HEMK2: variants seen among roughly 807,000 people sequenced by gnomAD.
HEMK2 encodes the protein methyltransferase HEMK2.
At chr21:28,746,918 G>T in the HEMK2 span, among the ~76,000 whole-genome samples, 1 of 152,224 alleles carries the variant, frequency 6.6e-6, no homozygotes, top group Non-Finnish European at 1.5e-5. Context: ...GGTGGGAAGA[G>T]AAGTTCTTAA....
At chr21:28,577,570 A>G in the HEMK2 span, among the ~76,000 whole-genome samples, 1 of 152,230 alleles carries the variant, frequency 6.6e-6, no homozygotes, top group African/African-American at 2.4e-5. Context: ...TTTATTTCCA[A>G]AACCCAAGAC....
At chr21:28,745,662 GT>G in the HEMK2 span, among the ~76,000 whole-genome samples, 1 of 152,002 alleles carries the variant, frequency 6.6e-6, no homozygotes, top group Non-Finnish European at 1.5e-5. Flanking sequence ...GTTGCCTGAG[GT>G]TTCATGAATA....
chr21:28,697,250 G>A, the HEMK2 span, among the ~76,000 whole-genome samples: 1 of 152,064 alleles, frequency 6.6e-6, no homozygotes, highest in African/African-American at 2.4e-5. Context: ...TGAATGCTTT[G>A]CTGCTTAGAA....
the HEMK2 span, among the ~76,000 whole-genome samples, chr21:28,726,919 C>T: frequency 0.47 from 70,086 of 150,158 alleles, 18,097 homozygotes; most frequent in East Asian, 0.84. Flanking sequence ...GGTTTTCAAA[C>T]TTTATTCTGA....
chr21:28,782,515 C>T, the HEMK2 span, among the ~76,000 whole-genome samples: 4 of 152,108 alleles, frequency 2.6e-5, no homozygotes, highest in East Asian at 1.9e-4. Context: ...CAAATTATAC[C>T]TATTCAAAAG....
the HEMK2 span, among the ~76,000 whole-genome samples, chr21:28,645,984 G>C: frequency 6.6e-6 from 1 of 152,196 alleles, no homozygotes; most frequent in Non-Finnish European, 1.5e-5. Context: ...CTTAAGGATA[G>C]AGCTGGGATT....
the HEMK2 span, among the ~76,000 whole-genome samples, chr21:28,664,244 G>C: frequency 6.6e-6 from 1 of 152,106 alleles, no homozygotes; most frequent in African/African-American, 2.4e-5. Flanking sequence ...TAGACACTTT[G>C]ACTTGTATGC....
At chr21:28,695,846 A>G in the HEMK2 span, among the ~76,000 whole-genome samples, 1 of 152,160 alleles carries the variant, frequency 6.6e-6, no homozygotes, top group African/African-American at 2.4e-5. Context: ...CATCTAAGAC[A>G]AGGCAAGTCT....
chr21:28,720,781 C>G, the HEMK2 span, among the ~76,000 whole-genome samples: 1 of 152,020 alleles, frequency 6.6e-6, no homozygotes, highest in African/African-American at 2.4e-5. Flanking sequence ...ATGGGCTCCA[C>G]CGTGAGAAAC....
chr21:28,655,608 G>T, the HEMK2 span, among the ~76,000 whole-genome samples: 3 of 151,962 alleles, frequency 2.0e-5, no homozygotes, highest in African/African-American at 7.2e-5. Flanking sequence ...TGTGACCTCT[G>T]CCAGGTTTCT....
chr21:28,797,529 C>T, the HEMK2 span, among the ~76,000 whole-genome samples: 79 of 151,380 alleles, frequency 5.2e-4, no homozygotes, highest in Non-Finnish European at 9.4e-4. Context: ...GTGGGAGAAT[C>T]GCTTGAATCT....
the HEMK2 span, among the ~76,000 whole-genome samples, chr21:28,858,882 G>A: frequency 0.078 from 11,894 of 151,986 alleles, 1,112 homozygotes; most frequent in African/African-American, 0.21. Flanking sequence ...AAATAAAAGG[G>A]GTACATGGCT....
the HEMK2 span, among the ~76,000 whole-genome samples, chr21:28,588,961 C>A: frequency 1.5e-5 from 2 of 131,808 alleles, no homozygotes; most frequent in Admixed American, 8.7e-5. Context: ...CCAGCCTGGG[C>A]AACAGAGAGA....
the HEMK2 span, among the ~76,000 whole-genome samples, chr21:28,613,267 G>A: frequency 6.6e-6 from 1 of 151,964 alleles, no homozygotes; most frequent in African/African-American, 2.4e-5. Flanking sequence ...GACCTGAAGT[G>A]GTACACATGA....
At chr21:28,664,224 C>T in the HEMK2 span, among the ~76,000 whole-genome samples, 2 of 152,086 alleles carry the variant, frequency 1.3e-5, no homozygotes, top group Non-Finnish European at 2.9e-5. Flanking sequence ...TATTCCTAAG[C>T]CACATGGAAT....
chr21:28,729,848 G>C, the HEMK2 span, among the ~76,000 whole-genome samples: 1 of 152,128 alleles, frequency 6.6e-6, no homozygotes, highest in Non-Finnish European at 1.5e-5. Context: ...GTGATAAACA[G>C]CACACCACTC....
chr21:28,663,224 G>A, the HEMK2 span, among the ~76,000 whole-genome samples: 2 of 152,218 alleles, frequency 1.3e-5, no homozygotes, highest in Non-Finnish European at 2.9e-5. Flanking sequence ...AATGATAAGT[G>A]TAGTGAAGTC....
the HEMK2 span, among the ~76,000 whole-genome samples, chr21:28,696,134 T>G: frequency 6.6e-6 from 1 of 152,164 alleles, no homozygotes; most frequent in East Asian, 1.9e-4. Context: ...CATCAGATCT[T>G]ATAAGACTTA....
At chr21:28,696,107 G>A in the HEMK2 span, among the ~76,000 whole-genome samples, 3 of 148,018 alleles carry the variant, frequency 2.0e-5, no homozygotes, top group Non-Finnish European at 4.6e-5. Context: ...AGTGAAAGGG[G>A]TTTCCCCTTA....
Sources: gnomAD v4.1 joint callset for allele counts (sites outside exome capture counted in the v4.1 genomes callset) on GRCh38, gnomAD v4.1.1 for gene constraint, MANE v1.5 for transcripts, NCBI Gene and HGNC (gene_info 2026-07-23, HGNC 2026-07-21) for gene names.